Variants in NEK10 observed in about 807,000 individuals in gnomAD.
NEK10 encodes the protein serine/threonine-protein kinase Nek10.
In NEK10, 122 loss-of-function variants were observed where a neutral mutation model predicts 159.8. The ratio of observed to expected loss-of-function variants is 0.76; its 90% CI spans 0.66 to 0.89. The LOEUF is 0.89. Among genes scored for constraint, NEK10 ranks in the 40% least tolerant of loss-of-function variants. The pLI is 0.00. For synonymous variants in NEK10, 466 were observed against 457.1 expected, an observed-to-expected ratio of 1.02 and a Z score of -0.25; for missense variants, 1,342 against 1,323.1, an observed-to-expected ratio of 1.01 and a Z score of -0.22.
At chr3:27,291,449 G>A (rs1162977795) in intron 17 of NEK10, 35 bp downstream of exon 17, 7 of 1,600,736 alleles carry the variant, frequency 4.4e-6, no homozygotes, top group Non-Finnish European at 6.0e-6. Flanking sequence ...TGACTACATA[G>A]CAGCCTGCCA....
chr3:27,256,304 C>T lies in NEK10; in HGVS notation c.2082G>A (p.Leu694=). ...AAAAGAATTGTCCTTACCAAGAATACAGGATTGTTCCAACCACAGAGGTGA... is the reference window on the plus strand; with the variant it reads ...AAAAGAATTGTCCTTACCAAGAATATAGGATTGTTCCAACCACAGAGGTGA... ...SKLTSVVGTI[L]YSCPEVLKSE... The change falls in exon 23 of 36, where the codon CTG becomes CTA. Residue 694 remains leucine, a synonymous_variant. Coordinates refer to ENST00000691995, the MANE Select transcript of NEK10 (RefSeq NM_001394966.1). 1.3e-6 allele frequency: 2 copies of T among 1,512,070 alleles called. No homozygotes were observed. The highest frequency in any genetic ancestry group is 1.8e-6 in the Non-Finnish European group (2 of 1,125,344). 93.7% of individuals were successfully genotyped at this position (1,512,070 alleles called of 1,614,324 possible).
Position 27,282,432 on chromosome 3 carries a change from T to C in NEK10, c.2014+2170A>G, listed in dbSNP as rs1189316956. Reference sequence around the variant, plus strand: ...AGGAAATGATTACAGCTAATCTTCATAGGAAAATAAAATGCAGAGTTGGCT... The same window carrying C: ...AGGAAATGATTACAGCTAATCTTCACAGGAAAATAAAATGCAGAGTTGGCT... On this transcript the variant is annotated intron_variant, in intron 22 of 35. Coordinates refer to ENST00000691995, the MANE Select transcript of NEK10 (RefSeq NM_001394966.1). Among the ~76,000 whole-genome samples the C allele has an allele frequency of 3.3e-5, 5 of 151,294 alleles. No individual in the cohort carries two copies. The South Asian group carries it at 8.3e-4, about 25-fold the overall frequency.
chr3:27,238,133 C>T (rs190383073), intron 23 of NEK10, among the ~76,000 whole-genome samples: 58 of 152,222 alleles, frequency 3.8e-4, no homozygotes, highest in Middle Eastern at 3.4e-3. Context: ...GCCAAGAATA[C>T]GTGCCCTGTG....
intron 30 of NEK10, among the ~76,000 whole-genome samples, chr3:27,147,150 T>C (rs1944373865): frequency 6.6e-6 from 1 of 152,108 alleles, no homozygotes; most frequent in African/African-American, 2.4e-5. Flanking sequence ...ATGGTAAAAA[T>C]GGGACTAGAA....
intron 3 of NEK10, among the ~76,000 whole-genome samples, chr3:27,348,931 C>A (rs1186559979): frequency 2.0e-5 from 3 of 152,220 alleles, no homozygotes; most frequent in African/African-American, 7.2e-5. Flanking sequence ...TCTGCTAAAC[C>A]ACCTTCAGAA....
chr3:27,143,120 G>A (rs1293952751), intron 30 of NEK10, among the ~76,000 whole-genome samples: 1 of 152,134 alleles, frequency 6.6e-6, no homozygotes, highest in Non-Finnish European at 1.5e-5. Context: ...ATGGCCAAGT[G>A]TACACATGCC....
chr3:27,334,187 C>A (rs1302247319), intron 5 of NEK10, among the ~76,000 whole-genome samples: 1 of 152,234 alleles, frequency 6.6e-6, no homozygotes, highest in Non-Finnish European at 1.5e-5. Flanking sequence ...ACCCACCAAG[C>A]CACTACAACC....
At chr3:27,362,328 C>A (rs1172583207) in intron 1 of NEK10, among the ~76,000 whole-genome samples, 2 of 152,112 alleles carry the variant, frequency 1.3e-5, no homozygotes, top group Non-Finnish European at 2.9e-5. Context: ...AGTCTGCAAG[C>A]CAGCTTACGG....
chr3:27,192,889 A>G (rs998421846), intron 25 of NEK10, among the ~76,000 whole-genome samples: 1 of 152,170 alleles, frequency 6.6e-6, no homozygotes, highest in Non-Finnish European at 1.5e-5. Flanking sequence ...GGCACCACAA[A>G]GAAGATGCAG....
At chr3:27,177,021 G>A (rs1947566114) in intron 26 of NEK10, among the ~76,000 whole-genome samples, 1 of 152,096 alleles carries the variant, frequency 6.6e-6, no homozygotes. Context: ...TGGAGTCCCC[G>A]CTGAAAAAGG....
chr3:27,113,560 G>A (rs1348997100), intron 35 of NEK10, among the ~76,000 whole-genome samples: 1 of 150,948 alleles, frequency 6.6e-6, no homozygotes, highest in Non-Finnish European at 1.5e-5. Flanking sequence ...AACTTATATT[G>A]CTTAAACTTG....
chr3:27,351,074 C>T (rs566931244), intron 3 of NEK10, among the ~76,000 whole-genome samples: 2 of 152,052 alleles, frequency 1.3e-5, no homozygotes, highest in East Asian at 3.9e-4. Context: ...AAAATAATGC[C>T]ACAGCAGTAA....
chr3:27,274,470 G>A (rs972772973), intron 22 of NEK10, among the ~76,000 whole-genome samples: 1 of 152,102 alleles, frequency 6.6e-6, no homozygotes, highest in African/African-American at 2.4e-5. Context: ...GTAAACCACA[G>A]AGGGCTCTTC....
rs185098706 is a variant in NEK10, at chr3:27,298,871, C to A, written c.1169-1631G>T. Among the ~76,000 whole-genome samples, 450 of 152,132 alleles carry A rather than the reference C, an allele frequency of 3.0e-3. 4 individuals carry two copies. The highest frequency in any genetic ancestry group is 9.2e-3 in the African/African-American group (380 of 41,508). ...AACTTGAGAGAAATGATTTAGGGTA[C>A]CTGGCAGAAGAAATTTCTAAGCAGC... On this transcript the variant is annotated intron_variant, in intron 13 of 35. Transcript: ENST00000691995.
intron 23 of NEK10, among the ~76,000 whole-genome samples, chr3:27,207,120 T>A (rs1422163977): frequency 6.6e-6 from 1 of 152,216 alleles, no homozygotes; most frequent in Non-Finnish European, 1.5e-5. Context: ...CAAGAGCTAA[T>A]GTTTCCAGGA....
intron 23 of NEK10, among the ~76,000 whole-genome samples, chr3:27,240,800 C>T (rs1173037327): frequency 1.3e-5 from 2 of 151,980 alleles, no homozygotes; most frequent in Non-Finnish European, 2.9e-5. Flanking sequence ...TAAAGGTGTG[C>T]ACCACCACGC....
chr3:27,267,464 C>G (rs1403101986), intron 22 of NEK10, among the ~76,000 whole-genome samples: 1 of 152,164 alleles, frequency 6.6e-6, no homozygotes, highest in African/African-American at 2.4e-5. Flanking sequence ...ATTTTTTCAA[C>G]AGCATCTGCT....
At chr3:27,217,494 C>G (rs1340046188) in intron 23 of NEK10, among the ~76,000 whole-genome samples, 5 of 152,070 alleles carry the variant, frequency 3.3e-5, no homozygotes, top group Non-Finnish European at 4.4e-5. Flanking sequence ...TGTGAGAACT[C>G]TATCACAAAA....
intron 23 of NEK10, chr3:27,214,983 G>A (rs1214335671): frequency 1.4e-6 from 1 of 699,844 alleles, no homozygotes; most frequent in South Asian, 1.6e-5. Flanking sequence ...CATCCGCCAG[G>A]CACCGGTCCC....
Sources: allele counts gnomAD v4.1 joint callset (sites outside exome capture counted in the v4.1 genomes callset), GRCh38; gene constraint gnomAD v4.1.1; transcripts MANE v1.5; gene names NCBI Gene and HGNC (gene_info 2026-07-23, HGNC 2026-07-21).